The following ZNF385B variants were observed in gnomAD, a reference collection of about 807,000 sequenced individuals.
The protein encoded by ZNF385B is zinc finger protein 533.
ZNF385B carries 23 observed loss-of-function variants against 39.2 expected under a neutral mutation model. That is an observed-to-expected ratio of 0.59 (90% CI 0.42 to 0.83). ZNF385B has a LOEUF of 0.83. ZNF385B is among the 40% of genes least tolerant of loss of function. The probability of loss-of-function intolerance (pLI) is 0.00; values close to 1 mark genes in which losing one functional copy is unlikely to be tolerated. For missense variants in ZNF385B, 552 were observed against 598.9 expected, an observed-to-expected ratio of 0.92 and a Z score of 0.82; for synonymous variants, 205 against 222.6, an observed-to-expected ratio of 0.92 and a Z score of 0.70.
At chr2:179,469,017 TACA>T (rs1476437280) in intron 6 of ZNF385B, among the ~76,000 whole-genome samples, 3 of 152,218 alleles carry the variant, frequency 2.0e-5, no homozygotes, top group African/African-American at 7.2e-5. Flanking sequence ...GCAGCCTTAT[TACA>T]ACGTTGTTAA....
intron 3 of ZNF385B, among the ~76,000 whole-genome samples, chr2:179,588,097 T>A (rs1201933960): frequency 6.6e-6 from 1 of 152,054 alleles, no homozygotes; most frequent in Non-Finnish European, 1.5e-5. Flanking sequence ...CTTTTATTTT[T>A]TTTCCCCCCA....
At chr2:179,499,140 A>T (rs1232568481) in intron 5 of ZNF385B, among the ~76,000 whole-genome samples, 2 of 152,012 alleles carry the variant, frequency 1.3e-5, no homozygotes, top group Non-Finnish European at 2.9e-5. Flanking sequence ...AAACCTAAAA[A>T]GACCAACAAC....
chr2:179,498,309 C>T (rs1482386761), intron 5 of ZNF385B, among the ~76,000 whole-genome samples: 2 of 151,408 alleles, frequency 1.3e-5, no homozygotes, highest in Non-Finnish European at 3.0e-5. Context: ...AAAAAAACTA[C>T]ATATAACAAG....
chr2:179,740,801 C>T (rs534418781), intron 3 of ZNF385B, among the ~76,000 whole-genome samples: 23 of 152,156 alleles, frequency 1.5e-4, no homozygotes, highest in African/African-American at 4.8e-4. Context: ...GAAGAAGTAA[C>T]GCATAACACA....
At chr2:179,771,875 C>T (rs1704030932) in intron 1 of ZNF385B, among the ~76,000 whole-genome samples, 1 of 152,108 alleles carries the variant, frequency 6.6e-6, no homozygotes. Context: ...AAGCCAATAA[C>T]GTTTAACCTT....
At chr2:179,655,903 T>C (rs10497546) in intron 3 of ZNF385B, among the ~76,000 whole-genome samples, 19,158 of 152,122 alleles carry the variant, frequency 0.13, 1,843 homozygotes, top group African/African-American at 0.26. Context: ...CTCAGTGCAA[T>C]GTAGTATTTA....
chr2:179,729,145 AAAC>A (rs1198328696), intron 3 of ZNF385B, among the ~76,000 whole-genome samples: 41 of 148,984 alleles, frequency 2.8e-4, no homozygotes, highest in Middle Eastern at 3.4e-3. Flanking sequence ...AAAAAAAAAA[AAAC>A]CAAGGAAATT....
chr2:179,574,699 A>G (rs1685609414), intron 3 of ZNF385B, among the ~76,000 whole-genome samples: 1 of 152,216 alleles, frequency 6.6e-6, no homozygotes, highest in Non-Finnish European at 1.5e-5. Context: ...AAGAAATTAT[A>G]TTCTTCACAT....
At chr2:179,454,112 A>G (rs549132635) in intron 6 of ZNF385B, among the ~76,000 whole-genome samples, 1 of 152,336 alleles carries the variant, frequency 6.6e-6, no homozygotes, top group Admixed American at 6.5e-5. Flanking sequence ...AAAGTTTCAA[A>G]TAAGACCAGA....
In ZNF385B at chr2:179,518,620, C is replaced by T; in HGVS notation, c.460G>A (p.Ala154Thr). Residue 154 changes from alanine (A) to threonine (T), a missense_variant, in exon 5 of 10, where the codon GCG becomes ACG. Coordinates refer to ENST00000410066, the MANE Select transcript of ZNF385B (RefSeq NM_152520.6). ...ACTCCAAATGTATGGTTAATAACCG[C>T]TTTTTGCACAGGATCCATCTGAAGA... ...NFNTMDPVQK[A>T]VINHTFGVSI... 6.3e-7 allele frequency: 1 copy of T among 1,596,360 alleles called. No homozygotes were observed. Among genetic ancestry groups the T allele is most frequent in the Non-Finnish European group, 8.5e-7 (1 of 1,173,946 alleles).
chr2:179,568,069 T>G lies in ZNF385B; in HGVS notation c.299-23100A>C, dbSNP rs548276375. Among the ~76,000 whole-genome samples the G allele has an allele frequency of 3.3e-5, 5 of 152,308 alleles. No individual in the cohort carries two copies. In the South Asian group the frequency reaches 1.0e-3, roughly 32 times the overall value. ...GCTATGGCCTGCAGTCACCACATGT[T>G]TAATTAAGCCCCTGCCTGCTCCAAA... On this transcript the variant is annotated intron_variant, in intron 3 of 9. Transcript: ENST00000410066.
At chr2:179,834,513 C>T (rs1307498081) in intron 1 of ZNF385B, among the ~76,000 whole-genome samples, 1 of 152,012 alleles carries the variant, frequency 6.6e-6, no homozygotes, top group Non-Finnish European at 1.5e-5. Context: ...TTACTGAGTC[C>T]ATACTGATAT....
chr2:179,537,760 AAC>A (rs1240570245), intron 4 of ZNF385B, among the ~76,000 whole-genome samples: 1 of 106,214 alleles, frequency 9.4e-6, no homozygotes, highest in Non-Finnish European at 2.1e-5. Flanking sequence ...CAAACAAACA[AAC>A]AAACAAAAAA....
chr2:179,849,648 C>T (rs567317802), intron 1 of ZNF385B, among the ~76,000 whole-genome samples: 24 of 152,142 alleles, frequency 1.6e-4, no homozygotes, highest in Non-Finnish European at 2.8e-4. Context: ...AAGTTATCAC[C>T]GGTATTTCTT....
intron 3 of ZNF385B, among the ~76,000 whole-genome samples, chr2:179,757,369 C>T (rs1703101187): frequency 6.6e-6 from 1 of 152,194 alleles, no homozygotes; most frequent in South Asian, 2.1e-4. Context: ...GTCAGTCTGC[C>T]CCTACTGGGG....
Position 179,506,622 on chromosome 2 carries a change from A to G in ZNF385B, c.552+11906T>C, listed in dbSNP as rs111677079. Reference sequence around the variant, plus strand: ...ACATATTTTTCTCCATTTATAAAATACATTAATGTAACACAAAGATTAACT... The same window carrying G: ...ACATATTTTTCTCCATTTATAAAATGCATTAATGTAACACAAAGATTAACT... On this transcript the variant is annotated intron_variant, in intron 5 of 9. Coordinates refer to ENST00000410066, the MANE Select transcript of ZNF385B (RefSeq NM_152520.6). 2.7e-3 allele frequency among the ~76,000 whole-genome samples: 418 copies of G among 152,270 alleles called. 2 individuals are homozygous for G. The highest frequency in any genetic ancestry group is 3.5e-3 in the Non-Finnish European group (235 of 67,986).
intron 3 of ZNF385B, among the ~76,000 whole-genome samples, chr2:179,657,170 C>T (rs891016335): frequency 2.0e-5 from 3 of 152,034 alleles, no homozygotes; most frequent in African/African-American, 7.3e-5. Context: ...AGTCCAGTCC[C>T]GTTGAACATA....
chr2:179,629,521 ACCCT>A (rs1337036549), intron 3 of ZNF385B, among the ~76,000 whole-genome samples: 3 of 152,196 alleles, frequency 2.0e-5, no homozygotes, highest in Non-Finnish European at 4.4e-5. Flanking sequence ...TTTTTGGGGT[ACCCT>A]CTTTTAGAAA....
Position 179,443,239 on chromosome 2 carries a change from G to A in ZNF385B, c.*11C>T, listed in dbSNP as rs115280977. The A allele has an allele frequency of 3.3e-4, 531 of 1,611,916 alleles. 5 individuals carry two copies. The African/African-American group carries it at 6.7e-3, about 20-fold the overall frequency. The stretch of plus-strand genomic sequence containing the variant: ...TCCTACTGGCCTCAAACGTCTTGGG[G>A]TTTGCAGACGTTAGTACGGAGCAAA... On this transcript the variant is annotated 3_prime_UTR_variant, in exon 10 of 10. Transcript: ENST00000410066.
Sources: gnomAD v4.1 joint callset for allele counts (sites outside exome capture counted in the v4.1 genomes callset) on GRCh38, gnomAD v4.1.1 for gene constraint, MANE v1.5 for transcripts, NCBI Gene and HGNC (gene_info 2026-07-23, HGNC 2026-07-21) for gene names.